The following DIPK1A variants were observed in gnomAD, a reference collection of about 807,000 sequenced individuals.
DIPK1A encodes divergent protein kinase domain 1A, also known as family with sequence similarity 69 member A.
In DIPK1A, 27 loss-of-function variants were observed where a neutral mutation model predicts 40.8. The ratio of observed to expected loss-of-function variants is 0.66; its 90% confidence interval spans 0.49 to 0.91. DIPK1A has a LOEUF of 0.91. DIPK1A is among the 40% of genes least tolerant of loss of function. The probability of loss-of-function intolerance (pLI) is 0.00; values close to 1 mark genes in which losing one functional copy is unlikely to be tolerated. For missense variants in DIPK1A, 412 were observed against 505.7 expected (o/e 0.81, Z 1.78); for synonymous variants, 166 against 171.3 (o/e 0.97, Z 0.24).
intron 1 of DIPK1A, among the ~76,000 whole-genome samples, chr1:92,887,128 T>C (rs973208666): frequency 2.6e-5 from 4 of 151,622 alleles, no homozygotes; most frequent in Non-Finnish European, 5.9e-5. Context: ...AATAAAAGTA[T>C]GCAATTGGGC....
chr1:92,932,871 T>C (rs1650808646), intron 1 of DIPK1A: 1 of 152,208 alleles, frequency 6.6e-6, no homozygotes, highest in Non-Finnish European at 1.5e-5. Context: ...CATGCCATTA[T>C]ACACTTGTCA....
At chr1:92,948,804 T>A (rs1302905202) in intron 1 of DIPK1A, among the ~76,000 whole-genome samples, 1 of 146,742 alleles carries the variant, frequency 6.8e-6, no homozygotes, top group East Asian at 1.9e-4. Context: ...TGTGTATATA[T>A]ATATATTTTT....
At chr1:92,849,348 GTTTTTTTTT>G (rs71586765) in intron 3 of DIPK1A, among the ~76,000 whole-genome samples, 2 of 144,376 alleles carry the variant, frequency 1.4e-5, no homozygotes, top group African/African-American at 5.2e-5. Context: ...GTTTTTTTTT[GTTTTTTTTT>G]TTTTTTTTGA....
rs528171696 is a variant in DIPK1A, at chr1:92,860,854, T to C, written c.190-9899A>G. Among the ~76,000 whole-genome samples, 194 of 152,248 alleles carry C rather than the reference T, an allele frequency of 1.3e-3. 2 individuals carry two copies. The highest frequency in any genetic ancestry group is 6.8e-3 in the Middle Eastern group (2 of 294). ...CAGGCAGATTATATGAAATGTTTCA[T>C]GATTGCTTGAAAATAAATATATTTA... is the stretch of plus-strand genomic sequence containing the variant. On this transcript the variant is annotated intron_variant, in intron 2 of 4. Coordinates refer to ENST00000370310, the MANE Select transcript of DIPK1A (RefSeq NM_001006605.5).
At chr1:92,903,392 T>C (rs1168042995) in intron 1 of DIPK1A, among the ~76,000 whole-genome samples, 1 of 152,256 alleles carries the variant, frequency 6.6e-6, no homozygotes, top group Non-Finnish European at 1.5e-5. Context: ...TAGCATTCAC[T>C]GCATTTTACC....
intron 3 of DIPK1A, among the ~76,000 whole-genome samples, chr1:92,848,398 A>C (rs1292010540): frequency 6.6e-6 from 1 of 152,102 alleles, no homozygotes; most frequent in East Asian, 1.9e-4. Flanking sequence ...TCCGTTTCTC[A>C]AAGTCCCAGC....
chr1:92,921,990 C>T (rs1650288761), intron 1 of DIPK1A, among the ~76,000 whole-genome samples: 1 of 151,862 alleles, frequency 6.6e-6, no homozygotes, highest in Non-Finnish European at 1.5e-5. Context: ...AAGAACTTAA[C>T]GTCTGTTTTT....
intron 1 of DIPK1A, among the ~76,000 whole-genome samples, chr1:92,878,459 C>T (rs565124272): frequency 6.6e-6 from 1 of 152,098 alleles, no homozygotes; most frequent in East Asian, 1.9e-4. Context: ...CCAAGACAGG[C>T]GAACAACTTG....
chr1:92,886,998 T>C (rs1286791784), intron 1 of DIPK1A, among the ~76,000 whole-genome samples: 1 of 152,064 alleles, frequency 6.6e-6, no homozygotes, highest in African/African-American at 2.4e-5. Context: ...TGCTGACCTC[T>C]GGACTGTTCA....
intron 2 of DIPK1A, among the ~76,000 whole-genome samples, chr1:92,860,646 A>AAAAAAAAGCCAGGTG (rs148916481): frequency 3.8e-5 from 4 of 105,214 alleles, no homozygotes; most frequent in African/African-American, 1.5e-4. Flanking sequence ...AAAAAAAAAA[A>AAAAAAAAGCCAGGTG]TGGTGGTGTG....
At chr1:92,846,204 T>G (rs2774940) in intron 4 of DIPK1A, 138,209 of 154,264 alleles carry the variant, frequency 0.9, 62,006 homozygotes, top group East Asian at 0.96. Flanking sequence ...ATGGGATACA[T>G]AGTGATATTT....
At chr1:92,950,733 AGT>A (rs1358124616) in intron 1 of DIPK1A, among the ~76,000 whole-genome samples, 2 of 152,196 alleles carry the variant, frequency 1.3e-5, no homozygotes, top group African/African-American at 4.8e-5. Context: ...AAAAAAGAAT[AGT>A]GTTTATGGTA....
chr1:92,958,835 G>A (rs1651945784), intron 1 of DIPK1A, among the ~76,000 whole-genome samples: 3 of 152,190 alleles, frequency 2.0e-5, no homozygotes, highest in South Asian at 4.1e-4. Flanking sequence ...ATCTCAGGTT[G>A]ATGCATATCT....
At chr1:92,927,080 A>G (rs1650543977) in intron 1 of DIPK1A, among the ~76,000 whole-genome samples, 1 of 150,482 alleles carries the variant, frequency 6.6e-6, no homozygotes, top group African/African-American at 2.5e-5. Flanking sequence ...GGTGAACTGA[A>G]AAAAAAAATT....
At position 92,836,246 on chromosome 1, in the gene DIPK1A, T is replaced by A. The variant is rs1251386648; in HGVS notation, c.475-3212A>T. The A allele has an allele frequency of 1.9e-6, 3 of 1,613,446 alleles. No individual in the cohort carries two copies. The highest frequency in any genetic ancestry group is 4.5e-5 in the East Asian group (2 of 44,900). ...ATGAAGGCCAAGTGGAGGTGACTGG[T>A]GATGAATACAATGTGGAAAGCATTG... is the stretch of plus-strand genomic sequence containing the variant. On this transcript the variant is annotated intron_variant, in intron 4 of 4. Transcript: ENST00000615519.
At chr1:92,860,525 C>T (rs1043679249) in intron 2 of DIPK1A, among the ~76,000 whole-genome samples, 1 of 151,432 alleles carries the variant, frequency 6.6e-6, no homozygotes, top group African/African-American at 2.4e-5. Flanking sequence ...CACAGTGGCT[C>T]ACACCTATAA....
chr1:92,897,011 G>C (rs1649201291), intron 1 of DIPK1A, among the ~76,000 whole-genome samples: 1 of 152,020 alleles, frequency 6.6e-6, no homozygotes, highest in Non-Finnish European at 1.5e-5. Context: ...AACAACAGGT[G>C]CTGGAGAGGA....
intron 4 of DIPK1A, among the ~76,000 whole-genome samples, chr1:92,846,793 A>ATTT (rs1491478787): frequency 0.02 from 15 of 734 alleles, no homozygotes; most frequent in African/African-American, 0.12. Flanking sequence ...CACTCCTGGC[A>ATTT]TATATATATA....
intron 2 of DIPK1A, among the ~76,000 whole-genome samples, chr1:92,858,678 G>GA (rs761242888): frequency 1.3e-5 from 2 of 151,986 alleles, no homozygotes; most frequent in Non-Finnish European, 2.9e-5. Context: ...CTAGTTCTAA[G>GA]AAAAAATCTC....
Sources: allele counts gnomAD v4.1 joint callset (sites outside exome capture counted in the v4.1 genomes callset), GRCh38; gene constraint gnomAD v4.1.1; transcripts MANE v1.5; gene names NCBI Gene and HGNC (gene_info 2026-07-23, HGNC 2026-07-21).